TTI1: variants seen among roughly 807,000 people sequenced by gnomAD.
The protein encoded by TTI1 is TELO2-interacting protein 1 homolog.
Under a neutral mutation model 85.4 loss-of-function variants are expected in TTI1, and 52 were observed. The observed-to-expected ratio is 0.61, with a 90% CI of 0.49 to 0.77. TTI1 has a LOEUF of 0.77. TTI1 is among the 30% of genes least tolerant of loss of function. The pLI is 0.00. For missense variants in TTI1, 1,173 were observed against 1,296.0 expected, an observed-to-expected ratio of 0.91 and a Z score of 1.46; for synonymous variants, 512 against 503.9, an observed-to-expected ratio of 1.02 and a Z score of -0.22.
intron 2 of TTI1, 53 bp from the exon 3 acceptor site, chr20:38,006,450 T>G: frequency 6.3e-7 from 1 of 1,589,684 alleles, no homozygotes; most frequent in Non-Finnish European, 8.6e-7. Context: ...CAGGCATGAG[T>G]ACTTTATACA....
At chr20:38,020,323 A>AAAAAAATATATATATAT in intron 1 of TTI1, among the ~76,000 whole-genome samples, 16 of 50,378 alleles carry the variant, frequency 3.2e-4, no homozygotes, top group African/African-American at 5.3e-4. Flanking sequence ...AAAAAAAAAA[A>AAAAAAATATATATATAT]ATATATATAT....
At chr20:38,019,593 C>T (rs892993670) in intron 1 of TTI1, among the ~76,000 whole-genome samples, 5 of 151,848 alleles carry the variant, frequency 3.3e-5, no homozygotes, top group African/African-American at 1.2e-4. Context: ...AAATGGGATA[C>T]TATTTTTGAT....
At chr20:38,020,319 AAAAAATATAT>A (rs1239837141) in intron 1 of TTI1, among the ~76,000 whole-genome samples, 4 of 44,166 alleles carry the variant, frequency 9.1e-5, no homozygotes, top group African/African-American at 5.0e-4. Context: ...TGAAAAAAAA[AAAAAATATAT>A]ATATATATAT....
At chr20:38,010,589 G>A (rs960739359) in intron 2 of TTI1, among the ~76,000 whole-genome samples, 2 of 149,724 alleles carry the variant, frequency 1.3e-5, no homozygotes, top group African/African-American at 4.9e-5. Flanking sequence ...TCCTGCCTCA[G>A]CTTCCCAAGT....
Position 38,012,725 on chromosome 20 carries a change from C to T in TTI1, c.1092G>A (p.Val364=), listed in dbSNP as rs753179646. The change falls in exon 2 of 8, where the codon GTG becomes GTA. Residue 364 remains valine (V), a synonymous_variant. Transcript: ENST00000373447. ...VLRHFADQKV[V]VGNKALADIL... ...TGTCAGCGAGGGCTTTGTTGCCCAC[C>T]ACTACTTTTTGATCTGCAAAATGTC... 2.5e-6 allele frequency: 4 copies of T among 1,614,180 alleles called. No homozygotes were observed. The Admixed American group carries it at 6.7e-5, about 27-fold the overall frequency.
chr20:37,984,926 T>A (rs2073170948), intron 7 of TTI1, among the ~76,000 whole-genome samples: 1 of 152,176 alleles, frequency 6.6e-6, no homozygotes, highest in South Asian at 2.1e-4. Flanking sequence ...CAATGAGTTC[T>A]CATTTTAATG....
chr20:38,012,162 T>G lies in TTI1; in HGVS notation c.1655A>C (p.Glu552Ala). The G allele has an allele frequency of 6.2e-7, 1 of 1,614,178 alleles. No individual in the cohort carries two copies. The highest frequency in any genetic ancestry group is 8.5e-7 in the Non-Finnish European group (1 of 1,180,046). The change falls in exon 2 of 8, where the codon GAA (glutamate) becomes GCA (alanine). Residue 552 changes from glutamate to alanine, a missense_variant. Physicochemically the swap from Glu to Ala is moderately radical, Grantham distance 107. Transcript: ENST00000373447. ...HEKHIKTNPE[E>A]LREIVTSILE... ...TATAGATGTCACAATCTCTCTCAGT[T>G]CTTCTGGGTTTGTTTTAATATGTTT... is the stretch of plus-strand genomic sequence containing the variant.
At chr20:37,987,717 A>G (rs1261945476) in intron 7 of TTI1, among the ~76,000 whole-genome samples, 1 of 152,236 alleles carries the variant, frequency 6.6e-6, no homozygotes, top group Non-Finnish European at 1.5e-5. Context: ...TTTCTAAGCA[A>G]CTGTTTCCAT....
intron 1 of TTI1, among the ~76,000 whole-genome samples, chr20:38,017,036 A>T (rs2073692551): frequency 6.6e-6 from 1 of 152,182 alleles, no homozygotes; most frequent in South Asian, 2.1e-4. Flanking sequence ...AGGTGGTGCT[A>T]GTTCACATTT....
intron 7 of TTI1, among the ~76,000 whole-genome samples, chr20:37,984,242 G>A (rs545700584): frequency 1.3e-5 from 2 of 152,296 alleles, no homozygotes; most frequent in East Asian, 1.9e-4. Context: ...AGAATATGCC[G>A]CCTTTGGCAG....
At chr20:37,986,896 C>G (rs527710152) in intron 7 of TTI1, among the ~76,000 whole-genome samples, 1 of 152,310 alleles carries the variant, frequency 6.6e-6, no homozygotes, top group Non-Finnish European at 1.5e-5. Context: ...TCCATACTGA[C>G]TTGGTGGGGG....
chr20:37,991,946 G>A (rs1168389719), intron 7 of TTI1, among the ~76,000 whole-genome samples: 1 of 152,216 alleles, frequency 6.6e-6, no homozygotes, highest in Non-Finnish European at 1.5e-5. Flanking sequence ...AAAATGAAAT[G>A]AAGCTAAATC....
rs1277993048 is a variant in TTI1, at chr20:37,983,499, G to A, written c.3227C>T (p.Pro1076Leu). 6.2e-6 allele frequency: 10 copies of A among 1,611,772 alleles called. No homozygotes were observed. Among genetic ancestry groups the A allele is most frequent in the Non-Finnish European group, 8.5e-6 (10 of 1,179,794 alleles). ...CAGCTGGAGCACGTTGGTCGTGTAG[G>A]GGTTCTGCTGCCCGCTGGCCCCGTG... Reference protein sequence around the residue: ...QLHGASGQQNPYTTNVLQLLK... With the variant: ...QLHGASGQQNLYTTNVLQLLK... The change falls in exon 8 of 8, where the codon CCC becomes CTC. Residue 1076 changes from proline (P) to leucine (L), a missense_variant. Transcript: ENST00000373447.
rs746233441 is a variant in TTI1, at chr20:38,013,539, A to G, written c.278T>C (p.Leu93Pro). Residue 93 changes from leucine (L) to proline (P), a missense_variant, in exon 2 of 8, where the codon CTC becomes CCC. Leu to Pro is a moderately conservative substitution (Grantham distance 98). Transcript: ENST00000373447. Reference sequence around the variant, plus strand: ...AGAGAGTTCTGAAAAGAGTTCCTGGAGAAGCTCCTGTTCTTTCACACATGT... The same window carrying G: ...AGAGAGTTCTGAAAAGAGTTCCTGGGGAAGCTCCTGTTCTTTCACACATGT... Reference protein sequence around the residue: ...SSTCVKEQELLQELFSELSAC... With the variant: ...SSTCVKEQELPQELFSELSAC... 2 of 1,614,216 alleles carry G rather than the reference A, an allele frequency of 1.2e-6. No individual in the cohort carries two copies. The highest frequency in any genetic ancestry group is 1.7e-6 in the Non-Finnish European group (2 of 1,180,038).
In TTI1 at chr20:37,983,419, G is replaced by A. The variant is rs747525371; in HGVS notation, c.*37C>T. 9 of 1,594,846 alleles carry A rather than the reference G, an allele frequency of 5.6e-6. No individual in the cohort carries two copies. The highest frequency in any genetic ancestry group is 6.0e-6 in the Non-Finnish European group (7 of 1,173,124). On this transcript the variant is annotated 3_prime_UTR_variant, in exon 8 of 8. Transcript: ENST00000373447. ...CAGCCCAGCTTCTGGCTGGCAGTAG[G>A]GGAGGGATCGGTGGCCTCTGTGGTG...
At chr20:37,984,156 T>C (rs1176892325) in intron 7 of TTI1, among the ~76,000 whole-genome samples, 3 of 152,292 alleles carry the variant, frequency 2.0e-5, no homozygotes, top group South Asian at 2.1e-4. Context: ...CTGAGAGCCA[T>C]GGATACTTGG....
chr20:38,000,542 T>TA (rs2073411311), intron 4 of TTI1: 1 of 80,826 alleles, frequency 1.2e-5, no homozygotes, highest in South Asian at 3.9e-4. Context: ...AGGCACTCGT[T>TA]AGTCTGCAAG....
chr20:37,999,323 C>A lies in TTI1; in HGVS notation c.2658G>T (p.Leu886Phe). ...CAACCACACACAGATCCAGCACATC[C>A]AAGACCTGAAAGAGACACGATTTCA... ...DKNLQIRLKV[L>F]DVLDLCVVVL... The change falls in exon 5 of 8, where the codon TTG becomes TTT. Residue 886 changes from leucine (L) to phenylalanine (F), a missense_variant. By Grantham distance (22) the Leu-to-Phe change is conservative (BLOSUM62 0). Coordinates refer to ENST00000373447, the MANE Select transcript of TTI1 (RefSeq NM_001303457.2). 1 of 1,420,168 alleles carries A rather than the reference C, an allele frequency of 7.0e-7. No individual in the cohort carries two copies. The highest frequency in any genetic ancestry group is 9.3e-7 in the Non-Finnish European group (1 of 1,078,080). 88.0% of individuals were successfully genotyped at this position (1,420,168 alleles called of 1,614,324 possible).
intron 1 of TTI1, among the ~76,000 whole-genome samples, chr20:38,014,242 T>G (rs2073648770): frequency 6.6e-6 from 1 of 152,238 alleles, no homozygotes; most frequent in African/African-American, 2.4e-5. Context: ...GGTTTCATCT[T>G]TTTAAAACTG....
Sources: allele counts gnomAD v4.1 joint callset (sites outside exome capture counted in the v4.1 genomes callset), GRCh38; gene constraint gnomAD v4.1.1; transcripts MANE v1.5; gene names NCBI Gene and HGNC (gene_info 2026-07-23, HGNC 2026-07-21).